The following TRDN variants were observed in gnomAD, a reference collection of about 807,000 sequenced individuals.
TRDN encodes triadin.
TRDN carries 161 observed loss-of-function variants against 149.7 expected under a neutral mutation model. The ratio of observed to expected loss-of-function variants is 1.08; its 90% CI spans 0.95 to 1.23. The LOEUF (loss-of-function observed/expected upper bound fraction) is 1.23. Among genes scored for constraint, TRDN ranks in the 50% most tolerant of loss-of-function variants. The pLI is 0.00. For missense variants in TRDN, 896 were observed against 823.5 expected, an observed-to-expected ratio of 1.09 and a Z score of -1.08; for synonymous variants, 294 against 250.5, an observed-to-expected ratio of 1.17 and a Z score of -1.64.
At chr6:123,629,584 C>T (rs1165852573) in intron 1 of TRDN, among the ~76,000 whole-genome samples, 2 of 152,062 alleles carry the variant, frequency 1.3e-5, no homozygotes, top group Non-Finnish European at 1.5e-5. Flanking sequence ...GGGTGAAAAC[C>T]ACATGCCCTA....
At chr6:123,511,541 A>T (rs1779182703) in intron 7 of TRDN, among the ~76,000 whole-genome samples, 1 of 152,346 alleles carries the variant, frequency 6.6e-6, no homozygotes. Flanking sequence ...ATCAAATTCA[A>T]GGTATAATAC....
At position 123,503,289 on chromosome 6, in the gene TRDN, A is replaced by G. The variant is rs1778776223; in HGVS notation, c.793+430T>C. On this transcript the variant is annotated intron_variant, in intron 8 of 40. Transcript: ENST00000334268. Reference sequence around the variant, plus strand: ...CAGTAATGTATGGATAGTTTTTATGATATTTACTCTATATGATTCCAACAT... The same window carrying G: ...CAGTAATGTATGGATAGTTTTTATGGTATTTACTCTATATGATTCCAACAT... 3 of 985,320 alleles carry G rather than the reference A, an allele frequency of 3.0e-6. No homozygotes were observed. The African/African-American group carries it at 5.2e-5, about 17-fold the overall frequency. The allele number at this position is 985,320 out of a possible 1,614,324, so 61.0% of individuals were successfully genotyped here.
At chr6:123,281,053 T>C (rs746682632) in intron 24 of TRDN, among the ~76,000 whole-genome samples, 3 of 152,038 alleles carry the variant, frequency 2.0e-5, no homozygotes, top group African/African-American at 4.8e-5. Context: ...AAACACAAAA[T>C]ACATGTTACA....
At chr6:123,548,407 T>C (rs772453689) in intron 3 of TRDN, 47 bp downstream of exon 3, 19 of 1,372,830 alleles carry the variant, frequency 1.4e-5, no homozygotes, top group Non-Finnish European at 1.5e-5. Context: ...ATAATACATA[T>C]TTAATGTTGC....
At chr6:123,220,937 G>T (rs972378882) in intron 40 of TRDN, among the ~76,000 whole-genome samples, 1 of 151,672 alleles carries the variant, frequency 6.6e-6, no homozygotes, top group Non-Finnish European at 1.5e-5. Flanking sequence ...TGGAAGAACC[G>T]AAATAATGAG....
chr6:123,324,621 A>G (rs1415165453), intron 23 of TRDN, among the ~76,000 whole-genome samples: 1 of 151,956 alleles, frequency 6.6e-6, no homozygotes, highest in African/African-American at 2.4e-5. Flanking sequence ...GCTGATATTT[A>G]AAAAATACCA....
intron 5 of TRDN, among the ~76,000 whole-genome samples, chr6:123,528,379 C>T (rs1780054589): frequency 6.6e-6 from 1 of 151,516 alleles, no homozygotes; most frequent in Non-Finnish European, 1.5e-5. Flanking sequence ...CATATTGTCC[C>T]TTGAAGGGGA....
intron 4 of TRDN, among the ~76,000 whole-genome samples, chr6:123,533,353 A>G (rs1469078390): frequency 2.6e-5 from 4 of 152,082 alleles, no homozygotes; most frequent in African/African-American, 9.7e-5. Context: ...CTCACACGGG[A>G]GAATAAGACG....
chr6:123,225,654 A>G (rs1344715956), intron 38 of TRDN, among the ~76,000 whole-genome samples: 1 of 151,706 alleles, frequency 6.6e-6, no homozygotes, highest in African/African-American at 2.4e-5. Flanking sequence ...CACATTGTAT[A>G]TCAAATATAT....
chr6:123,258,930 T>A (rs751168555), intron 35 of TRDN, among the ~76,000 whole-genome samples: 166 of 152,118 alleles, frequency 1.1e-3, no homozygotes, highest in Non-Finnish European at 2.1e-3. Context: ...TACATAGAGG[T>A]GTTTATAGTA....
At chr6:123,373,548 G>A (rs1015145388) in intron 19 of TRDN, among the ~76,000 whole-genome samples, 2 of 151,946 alleles carry the variant, frequency 1.3e-5, no homozygotes, top group Non-Finnish European at 1.5e-5. Context: ...AGTGATTTCG[G>A]GTGTTTCCTC....
chr6:123,269,778 A>C, intron 31 of TRDN, 71 bp downstream of exon 31: 6 of 1,514,456 alleles, frequency 4.0e-6, no homozygotes, highest in Non-Finnish European at 5.4e-6. Context: ...TTCTTAAAAA[A>C]ACTAAGCAAA....
At chr6:123,369,124 C>T (rs187649832) in intron 19 of TRDN, among the ~76,000 whole-genome samples, 191 of 152,280 alleles carry the variant, frequency 1.3e-3, no homozygotes, top group African/African-American at 4.2e-3. Flanking sequence ...CTCCTAGAGT[C>T]TGCTAGTTGC....
intron 10 of TRDN, among the ~76,000 whole-genome samples, chr6:123,448,742 A>C (rs1308788793): frequency 6.6e-6 from 1 of 152,124 alleles, no homozygotes; most frequent in Admixed American, 6.5e-5. Flanking sequence ...CACCTCCTGC[A>C]CTTTGGTGCA....
At chr6:123,570,454 A>G (rs1397649182) in intron 2 of TRDN, among the ~76,000 whole-genome samples, 2 of 152,230 alleles carry the variant, frequency 1.3e-5, no homozygotes, top group Non-Finnish European at 2.9e-5. Flanking sequence ...GCAGAAGCAA[A>G]GAGTTTGTCT....
intron 10 of TRDN, among the ~76,000 whole-genome samples, chr6:123,461,991 T>C (rs1004181485): frequency 6.6e-6 from 1 of 152,276 alleles, no homozygotes; most frequent in Middle Eastern, 3.4e-3. Context: ...TGAGAATTAA[T>C]ATTATATTTA....
chr6:123,245,349 G>A (rs115461707), intron 38 of TRDN, among the ~76,000 whole-genome samples: 2 of 151,914 alleles, frequency 1.3e-5, no homozygotes, highest in Non-Finnish European at 2.9e-5. Context: ...CAGGAGACAC[G>A]TCACACATGC....
intron 24 of TRDN, among the ~76,000 whole-genome samples, chr6:123,288,884 C>A (rs886452411): frequency 6.6e-6 from 1 of 151,674 alleles, no homozygotes; most frequent in Non-Finnish European, 1.5e-5. Flanking sequence ...AATTTCACGT[C>A]TGTTATATCC....
intron 38 of TRDN, among the ~76,000 whole-genome samples, chr6:123,248,949 A>G (rs114976063): frequency 0.018 from 2,770 of 152,282 alleles, 84 homozygotes; most frequent in African/African-American, 0.063. Context: ...TCTGTTGAAT[A>G]TAGATGCAAA....
Sources: gnomAD v4.1 joint callset for allele counts (sites outside exome capture counted in the v4.1 genomes callset) on GRCh38, gnomAD v4.1.1 for gene constraint, MANE v1.5 for transcripts, NCBI Gene and HGNC (gene_info 2026-07-23, HGNC 2026-07-21) for gene names.